The following PRKG1 variants were observed in gnomAD, a reference collection of about 807,000 sequenced individuals.
PRKG1 encodes the protein protein kinase cGMP-dependent 1, also known as cGMP-dependent protein kinase 1.
A neutral mutation model predicts 88.1 loss-of-function variants in PRKG1; 35 were observed. The observed-to-expected ratio is 0.40, with a 90% CI of 0.30 to 0.53. The LOEUF is 0.53. PRKG1 is among the 20% of genes least tolerant of loss of function. The pLI, the probability that PRKG1 is intolerant of heterozygous loss-of-function variation, is 0.59. For missense variants in PRKG1, 540 were observed against 839.8 expected (o/e 0.64, Z 4.41); for synonymous variants, 303 against 292.5 (o/e 1.04, Z -0.37).
Position 51,907,537 on chromosome 10 carries a change from G to A in PRKG1, c.729G>A (p.Glu243=), listed in dbSNP as rs748234519. The A allele has an allele frequency of 3.1e-6, 5 of 1,613,570 alleles. No homozygotes were observed. The highest frequency in any genetic ancestry group is 1.3e-5 in the African/African-American group (1 of 74,876). ...CAACATTCCAGAGCCTTCCTGAAGA[G>A]ATCCTCAGCAAGCTTGCTGATGTCC... ...SVPTFQSLPE[E]ILSKLADVLE... The change falls in exon 5 of 18, where the codon GAG becomes GAA. Residue 243 remains glutamate (E), a synonymous_variant. Transcript: ENST00000373980.
chr10:51,512,191 T>TTA (rs397962181), intron 3 of PRKG1, among the ~76,000 whole-genome samples: 3 of 146,998 alleles, frequency 2.0e-5, no homozygotes, highest in Admixed American at 6.8e-5. Flanking sequence ...TTTTTTTTTT[T>TTA]AGTTTTTTTT....
chr10:51,704,880 G>A (rs1841567374), intron 3 of PRKG1, among the ~76,000 whole-genome samples: 1 of 152,092 alleles, frequency 6.6e-6, no homozygotes, highest in Admixed American at 6.5e-5. Flanking sequence ...AATAATAATG[G>A]CAGAGGCTTA....
intron 1 of PRKG1, among the ~76,000 whole-genome samples, chr10:51,100,241 A>C (rs1416034520): frequency 1.3e-5 from 2 of 152,184 alleles, no homozygotes; most frequent in Non-Finnish European, 2.9e-5. Flanking sequence ...CTATTGGATA[A>C]GAAAATAGGG....
intron 3 of PRKG1, among the ~76,000 whole-genome samples, chr10:51,695,124 T>C (rs915961912): frequency 1.3e-5 from 2 of 152,194 alleles, no homozygotes; most frequent in Non-Finnish European, 2.9e-5. Flanking sequence ...AGGCTGTCCC[T>C]GTGTTCAGTT....
chr10:51,836,219 A>G (rs370761644), intron 4 of PRKG1, among the ~76,000 whole-genome samples: 1 of 152,312 alleles, frequency 6.6e-6, no homozygotes, highest in African/African-American at 2.4e-5. Context: ...CCAGAAATAG[A>G]TCCACACATC....
chr10:51,845,546 G>A (rs1840376369), intron 4 of PRKG1, among the ~76,000 whole-genome samples: 1 of 152,090 alleles, frequency 6.6e-6, no homozygotes, highest in Non-Finnish European at 1.5e-5. Context: ...TGATAGCCTT[G>A]TAGAAAATTG....
intron 3 of PRKG1, among the ~76,000 whole-genome samples, chr10:51,516,433 A>G (rs1438440824): frequency 2.0e-5 from 3 of 152,130 alleles, no homozygotes; most frequent in African/African-American, 7.2e-5. Context: ...CAATTGGAAA[A>G]AAAAAAATTC....
chr10:51,007,726 G>T (rs77246180), intron 1 of PRKG1, among the ~76,000 whole-genome samples: 4 of 152,180 alleles, frequency 2.6e-5, no homozygotes, highest in Admixed American at 2.6e-4. Flanking sequence ...CTAAACAATG[G>T]CCATTGCTTC....
At chr10:52,015,153 T>C (rs10733890) in intron 5 of PRKG1, among the ~76,000 whole-genome samples, 2 of 152,130 alleles carry the variant, frequency 1.3e-5, no homozygotes, top group Non-Finnish European at 2.9e-5. Flanking sequence ...TGCCCTAGTA[T>C]AGGTTCTCCA....
chr10:51,757,402 C>T (rs981056697), intron 3 of PRKG1, among the ~76,000 whole-genome samples: 1 of 151,936 alleles, frequency 6.6e-6, no homozygotes, highest in Non-Finnish European at 1.5e-5. Context: ...CCGCTCCCAG[C>T]CCCTCAGTGG....
At chr10:51,245,766 A>G (rs1230655035) in intron 2 of PRKG1, 1 of 152,140 alleles carries the variant, frequency 6.6e-6, no homozygotes, top group Non-Finnish European at 1.5e-5. Context: ...CTGAGACTGA[A>G]GACCTTAACT....
intron 2 of PRKG1, among the ~76,000 whole-genome samples, chr10:51,425,871 G>T (rs1838566157): frequency 2.0e-5 from 3 of 152,188 alleles, no homozygotes; most frequent in African/African-American, 7.2e-5. Flanking sequence ...CACTTTAGGT[G>T]GATGTGTTTT....
chr10:52,130,623 ATTTAT>A (rs1837227340), intron 7 of PRKG1, among the ~76,000 whole-genome samples: 2 of 152,268 alleles, frequency 1.3e-5, no homozygotes, highest in African/African-American at 4.8e-5. Context: ...ATTGTTATTC[ATTTAT>A]TTGTTTTTGG....
At chr10:51,374,091 A>ATATATATATATATAT (rs1554801042) in intron 2 of PRKG1, among the ~76,000 whole-genome samples, 1 of 64,742 alleles carries the variant, frequency 1.5e-5, no homozygotes, top group Non-Finnish European at 3.7e-5. Flanking sequence ...GCAAAAAAAA[A>ATATATATATATATAT]AAATATATAT....
intron 9 of PRKG1, among the ~76,000 whole-genome samples, chr10:52,171,951 C>T (rs1271827973): frequency 1.3e-5 from 2 of 150,332 alleles, no homozygotes; most frequent in Non-Finnish European, 3.0e-5. Flanking sequence ...TACAGGCGCC[C>T]GCCACCGCGC....
intron 3 of PRKG1, among the ~76,000 whole-genome samples, chr10:51,716,502 T>TGG (rs1841890398): frequency 6.6e-6 from 1 of 152,208 alleles, no homozygotes; most frequent in Non-Finnish European, 1.5e-5. Flanking sequence ...AAGTGTTTCC[T>TGG]GGAAATAAGT....
chr10:51,324,342 CAT>C (rs899740837), intron 2 of PRKG1, among the ~76,000 whole-genome samples: 3 of 152,156 alleles, frequency 2.0e-5, no homozygotes, highest in East Asian at 3.9e-4. Flanking sequence ...TGAAAGGAAA[CAT>C]GTGATGTTTG....
chr10:51,967,805 C>A (rs112070337), intron 5 of PRKG1, among the ~76,000 whole-genome samples: 1,958 of 152,234 alleles, frequency 0.013, 32 homozygotes, highest in African/African-American at 0.044. Context: ...TTCACCACTC[C>A]TCCCCTCTTT....
chr10:51,480,116 G>A (rs1249958779), intron 3 of PRKG1, among the ~76,000 whole-genome samples: 2 of 152,032 alleles, frequency 1.3e-5, no homozygotes, highest in African/African-American at 2.4e-5. Context: ...AGATCTTAAG[G>A]CATATAAATT....
Sources: allele counts gnomAD v4.1 joint callset (sites outside exome capture counted in the v4.1 genomes callset), GRCh38; gene constraint gnomAD v4.1.1; transcripts MANE v1.5; gene names NCBI Gene and HGNC (gene_info 2026-07-23, HGNC 2026-07-21).